Variants in CEACAM7 observed in about 807,000 individuals in gnomAD.
CEACAM7 encodes cell adhesion molecule CEACAM7.
A neutral mutation model predicts 25.7 loss-of-function variants in CEACAM7; 24 were observed. The observed-to-expected ratio is 0.93, with a 90% CI of 0.68 to 1.31. CEACAM7 has a LOEUF of 1.31. Ranked by LOEUF, CEACAM7 falls within the 40% of genes most tolerant of loss-of-function variation. The pLI is 0.00. For missense variants in CEACAM7, 324 were observed against 330.1 expected (o/e 0.98, Z 0.14); for synonymous variants, 144 against 129.4 (o/e 1.11, Z -0.77).
intron 3 of CEACAM7, among the ~76,000 whole-genome samples, chr19:41,680,160 T>G (rs1185304855): frequency 2.0e-5 from 3 of 151,180 alleles, no homozygotes; most frequent in Non-Finnish European, 2.9e-5. Context: ...ATGAACAATC[T>G]GAAAAGAAAT....
At position 41,688,094 on chromosome 19, in the gene CEACAM7, C is replaced by T. The variant is rs782105355; in HGVS notation, c.64+8G>A. The T allele has an allele frequency of 6.2e-7, 1 of 1,609,186 alleles. No individual in the cohort carries two copies. The highest frequency in any genetic ancestry group is 1.7e-5 in the Admixed American group (1 of 59,648). On this transcript the variant is annotated splice_region_variant and intron_variant, in intron 1 of 4. Transcript: ENST00000401731. ...CTCCCACCCACTCCCAGGAAGTCCTCCCCTCACCTGTGAGCAGGAGCCCCT... is the reference window on the plus strand; with the variant it reads ...CTCCCACCCACTCCCAGGAAGTCCTTCCCTCACCTGTGAGCAGGAGCCCCT...
intron 3 of CEACAM7, among the ~76,000 whole-genome samples, chr19:41,678,363 A>G (rs1600428935): frequency 7.2e-6 from 1 of 138,848 alleles, no homozygotes. Flanking sequence ...ATGTATATGT[A>G]TATGTGTGTA....
rs2072089262 is a variant in CEACAM7 at position 41,673,951 on chromosome 19, C to T, written c.*825G>A. ...GAAGTATGATCCATAGGCAGAGACC[C>T]CATGAACCAAACCAAATAAAAGAGA... On this transcript the variant is annotated 3_prime_UTR_variant, in exon 5 of 5. Coordinates refer to ENST00000401731, the MANE Select transcript of CEACAM7 (RefSeq NM_001291485.2). 6.6e-6 allele frequency: 1 copy of T among 152,072 alleles called. No individual in the cohort carries two copies. The highest frequency in any genetic ancestry group is 1.9e-4 in the East Asian group (1 of 5,196). The allele number at this position is 152,072 out of a possible 1,614,324, so 9.4% of individuals were successfully genotyped here.
intron 3 of CEACAM7, among the ~76,000 whole-genome samples, chr19:41,678,676 A>G (rs1400101907): frequency 6.6e-6 from 1 of 152,230 alleles, no homozygotes; most frequent in African/African-American, 2.4e-5. Flanking sequence ...AGGCGGATCT[A>G]GGATTTGCCT....
At chr19:41,683,163 A>G (rs977360466) in intron 3 of CEACAM7, among the ~76,000 whole-genome samples, 2 of 152,212 alleles carry the variant, frequency 1.3e-5, no homozygotes, top group Non-Finnish European at 2.9e-5. Context: ...GATCATCTTG[A>G]CTGTGGTACT....
intron 2 of CEACAM7, among the ~76,000 whole-genome samples, chr19:41,686,547 T>C (rs1239904854): frequency 6.6e-6 from 1 of 152,156 alleles, no homozygotes; most frequent in African/African-American, 2.4e-5. Flanking sequence ...CAGGCCAGGC[T>C]CTGACCCAGT....
At chr19:41,677,063 G>A (rs2072120979) in intron 4 of CEACAM7, among the ~76,000 whole-genome samples, 1 of 152,156 alleles carries the variant, frequency 6.6e-6, no homozygotes, top group South Asian at 2.1e-4. Flanking sequence ...CAGTTGTTGA[G>A]GTTTATGGGA....
chr19:41,687,678 C>T (rs181147902), intron 1 of CEACAM7, among the ~76,000 whole-genome samples: 3 of 152,304 alleles, frequency 2.0e-5, no homozygotes, highest in African/African-American at 4.8e-5. Context: ...TGGATTGCAC[C>T]CCAGTGCCTG....
intron 2 of CEACAM7, among the ~76,000 whole-genome samples, chr19:41,685,917 C>T (rs1002036343): frequency 4.6e-5 from 7 of 152,144 alleles, no homozygotes; most frequent in South Asian, 2.1e-4. Context: ...TGTGACTGTC[C>T]GGTCCGTGAG....
chr19:41,686,188 C>G (rs1234497873), intron 2 of CEACAM7, among the ~76,000 whole-genome samples: 2 of 152,120 alleles, frequency 1.3e-5, no homozygotes, highest in Middle Eastern at 3.2e-3. Context: ...TTTTTCTCCC[C>G]CTGAGGACAC....
Position 41,686,916 on chromosome 19 carries a change from G to A in CEACAM7, c.370C>T (p.His124Tyr), listed in dbSNP as rs1555811252. The change falls in exon 2 of 5, where the codon CAC becomes TAC. Residue 124 changes from histidine (H) to tyrosine (Y), a missense_variant. Coordinates refer to ENST00000401731, the MANE Select transcript of CEACAM7 (RefSeq NM_001291485.2). ...TTCACAAGATTTTCTTTTATAACGT[G>A]TAGGGTATAGATTCCTGCGTCATTG... ...THNDAGIYTLHVIKENLVNEE... is the reference protein window; with the variant it reads ...THNDAGIYTLYVIKENLVNEE... 6 of 1,568,958 alleles carry A rather than the reference G, an allele frequency of 3.8e-6. No homozygotes were observed. The African/African-American group carries it at 5.5e-5, about 14-fold the overall frequency.
chr19:41,676,528 T>C (rs1486528539), intron 4 of CEACAM7, among the ~76,000 whole-genome samples: 1 of 152,162 alleles, frequency 6.6e-6, no homozygotes, highest in East Asian at 1.9e-4. Context: ...ACCTGGCCCT[T>C]TGTCTTATCG....
rs782306408 is a variant in CEACAM7, at chr19:41,684,006, T to G, written c.485A>C (p.Asp162Ala). The change falls in exon 3 of 5, where the codon GAT becomes GCT. Residue 162 changes from aspartate (D) to alanine (A), a missense_variant. Coordinates refer to ENST00000401731, the MANE Select transcript of CEACAM7 (RefSeq NM_001291485.2). ...SNNFNPVENK[D>A]IVVLTCQPET... ...AGGTTGACAGGTTAAAACCACAATATCTTTGTTCTCCACCGGATTGAAGTT... is the reference window on the plus strand; with the variant it reads ...AGGTTGACAGGTTAAAACCACAATAGCTTTGTTCTCCACCGGATTGAAGTT... 5 of 1,614,028 alleles carry G rather than the reference T, an allele frequency of 3.1e-6. No individual in the cohort carries two copies. Among genetic ancestry groups the G allele is most frequent in the Non-Finnish European group, 4.2e-6 (5 of 1,180,042 alleles).
Position 41,677,364 on chromosome 19 carries a change from C to G in CEACAM7, c.*36+12G>C. 1 of 1,401,508 alleles carries G rather than the reference C, an allele frequency of 7.1e-7. No homozygotes were observed. Among genetic ancestry groups the G allele is most frequent in the Non-Finnish European group, 1.0e-6 (1 of 986,544 alleles). 86.8% of individuals were successfully genotyped at this position (1,401,508 alleles called of 1,614,324 possible). A position where few individuals can be genotyped will look rare whatever the true frequency, so the allele number is the denominator to read the frequency against. On this transcript the variant is annotated intron_variant, in intron 4 of 4. Transcript: ENST00000401731. ...CAGGAAATAGGATAAGAGGAAAGGT[C>G]ATAATACCTACCACTCTTCCCGAAA... is the stretch of plus-strand genomic sequence containing the variant.
In CEACAM7 at chr19:41,688,236, G is replaced by C. The variant is rs1436933590; in HGVS notation, c.-71C>G. The C allele has an allele frequency of 4.5e-6, 7 of 1,564,442 alleles. No individual in the cohort carries two copies. Among genetic ancestry groups the C allele is most frequent in the Non-Finnish European group, 6.1e-6 (7 of 1,155,650 alleles). The stretch of plus-strand genomic sequence containing the variant: ...CAGGAACTCTCTTGTCAGGGCTGCT[G>C]TGACTGTCAGCTCTGCTGTCCTTCC... On this transcript the variant is annotated 5_prime_UTR_variant, in exon 1 of 5. Transcript: ENST00000401731.
At position 41,683,777 on chromosome 19, in the gene CEACAM7, A is replaced by T; in HGVS notation, c.706+8T>A. ...AGCCTGGGCCACAGAGGAACAGAAG[A>T]TACTCACAGCGGACATTCAGGGTGA... On this transcript the variant is annotated splice_region_variant and intron_variant, in intron 3 of 4. Coordinates refer to ENST00000401731, the MANE Select transcript of CEACAM7 (RefSeq NM_001291485.2). 1 of 1,613,792 alleles carries T rather than the reference A, an allele frequency of 6.2e-7. No individual in the cohort carries two copies. Among genetic ancestry groups the T allele is most frequent in the South Asian group, 1.1e-5 (1 of 91,058 alleles).
Position 41,688,118 on chromosome 19 carries a change from C to A in CEACAM7, c.48G>T (p.Gln16His). Residue 16 changes from glutamine (Q) to histidine (H), a missense_variant, in exon 1 of 5, where the codon CAG becomes CAT. Physicochemically the swap from Gln to His is conservative, Grantham distance 24. Transcript: ENST00000401731. ...ACPYRVCIPW[Q>H]GLLLTASLLT... ...TCCCCTCACCTGTGAGCAGGAGCCC[C>A]TGCCAGGGAATGCACACTCTGTATG... 9 of 1,611,698 alleles carry A rather than the reference C, an allele frequency of 5.6e-6. No homozygotes were observed. Among genetic ancestry groups the A allele is most frequent in the Non-Finnish European group, 6.8e-6 (8 of 1,178,656 alleles).
At chr19:41,686,640 T>C (rs782314879) in intron 2 of CEACAM7, among the ~76,000 whole-genome samples, 4 of 152,168 alleles carry the variant, frequency 2.6e-5, no homozygotes, top group Non-Finnish European at 4.4e-5. Flanking sequence ...CATCAGACTG[T>C]CCTTCCTCTG....
intron 3 of CEACAM7, among the ~76,000 whole-genome samples, chr19:41,682,228 C>T (rs576046544): frequency 8.0e-4 from 122 of 152,222 alleles, no homozygotes; most frequent in African/African-American, 2.8e-3. Context: ...AATCAGCCAC[C>T]GCGCCCAGCC....
Sources: gnomAD v4.1 joint callset for allele counts (sites outside exome capture counted in the v4.1 genomes callset) on GRCh38, gnomAD v4.1.1 for gene constraint, MANE v1.5 for transcripts, NCBI Gene and HGNC (gene_info 2026-07-23, HGNC 2026-07-21) for gene names.